The following GLIPR1L1 variants were observed in gnomAD, a reference collection of about 807,000 sequenced individuals.
GLIPR1L1 encodes GLIPR1 like 1.
In GLIPR1L1, 26 loss-of-function variants were observed where a neutral mutation model predicts 29.9. The ratio of observed to expected loss-of-function variants is 0.87; its 90% confidence interval spans 0.64 to 1.21. The LOEUF (loss-of-function observed/expected upper bound fraction) is 1.21. Ranked by LOEUF, GLIPR1L1 falls within the 50% of genes most tolerant of loss-of-function variation. The pLI is 0.00. For synonymous variants in GLIPR1L1, 77 were observed against 97.5 expected (o/e 0.79, Z 1.24); for missense variants, 305 against 290.3 (o/e 1.05, Z -0.37).
chr12:75,345,189 T>C lies in GLIPR1L1; in HGVS notation c.420+1251T>C, dbSNP rs113793478. Among the ~76,000 whole-genome samples, 426 of 152,060 alleles carry C rather than the reference T, an allele frequency of 2.8e-3. 2 individuals carry two copies. The highest frequency in any genetic ancestry group is 9.8e-3 in the African/African-American group (406 of 41,456). ...AATCAGACTCTCATAACTATGAGAG[T>C]GTATCAAACTTCTCCTGAGCCATAA... On this transcript the variant is annotated intron_variant, in intron 2 of 5. Coordinates refer to ENST00000378695, the MANE Select transcript of GLIPR1L1 (RefSeq NM_001304964.2).
At chr12:75,353,868 T>C (rs1253851045) in intron 3 of GLIPR1L1, among the ~76,000 whole-genome samples, 1 of 152,180 alleles carries the variant, frequency 6.6e-6, no homozygotes, top group Non-Finnish European at 1.5e-5. Flanking sequence ...ATTCATTATA[T>C]CATCAGAACT....
chr12:75,363,241 A>G (rs2043736046), intron 4 of GLIPR1L1, 51 bp downstream of exon 4: 5 of 849,464 alleles, frequency 5.9e-6, no homozygotes, highest in Non-Finnish European at 6.6e-6. Flanking sequence ...AAGTTTCCAT[A>G]TATTTATTAA....
At position 75,346,482 on chromosome 12, in the gene GLIPR1L1, C is replaced by T. The variant is rs192195474; in HGVS notation, c.421-1140C>T. ...CTCAACTCACTGCAACCTCCACTTC[C>T]TGAGTTCAAGCAATTCTCCTGCCTC... is the stretch of plus-strand genomic sequence containing the variant. On this transcript the variant is annotated intron_variant, in intron 2 of 5. Transcript: ENST00000378695. Among the ~76,000 whole-genome samples, 263 of 152,226 alleles carry T rather than the reference C, an allele frequency of 1.7e-3. 1 individual carries two copies. Among genetic ancestry groups the T allele is most frequent in the African/African-American group, 5.9e-3 (247 of 41,526 alleles).
intron 3 of GLIPR1L1, among the ~76,000 whole-genome samples, chr12:75,361,598 C>T (rs757636139): frequency 5.3e-5 from 8 of 152,148 alleles, no homozygotes; most frequent in African/African-American, 1.7e-4. Context: ...CATGGTTCCA[C>T]GTGACTGGGG....
rs189767184 is a variant in GLIPR1L1, at chr12:75,335,532, G to A, written c.174+630G>A. On this transcript the variant is annotated intron_variant, in intron 1 of 5. Transcript: ENST00000378695. ...TAAATGCATCACTATGAGCATAAAC[G>A]TTGATAGTATTAGTCTATTTTATGT... Among the ~76,000 whole-genome samples the A allele has an allele frequency of 6.4e-4, 98 of 152,228 alleles. 1 individual carries two copies. The East Asian group carries it at 0.012, about 18-fold the overall frequency.
At chr12:75,339,536 T>C (rs1276496568) in intron 1 of GLIPR1L1, among the ~76,000 whole-genome samples, 1 of 152,196 alleles carries the variant, frequency 6.6e-6, no homozygotes, top group African/African-American at 2.4e-5. Flanking sequence ...TACCATTCTG[T>C]AGGTTGTCTG....
At chr12:75,345,180 CTATGAGAGTG>C (rs1162720818) in intron 2 of GLIPR1L1, among the ~76,000 whole-genome samples, 1 of 152,048 alleles carries the variant, frequency 6.6e-6, no homozygotes, top group Non-Finnish European at 1.5e-5. Flanking sequence ...ACTCTCATAA[CTATGAGAGTG>C]TATCAAACTT....
At chr12:75,368,899 T>C (rs1287787550) in intron 4 of GLIPR1L1, among the ~76,000 whole-genome samples, 1 of 151,948 alleles carries the variant, frequency 6.6e-6, no homozygotes, top group Admixed American at 6.6e-5. Flanking sequence ...TGGAAGACTT[T>C]AGCAAATTTT....
rs147905207 is a variant in GLIPR1L1, at chr12:75,340,035, A to G, written c.175-3658A>G. On this transcript the variant is annotated intron_variant, in intron 1 of 5. Transcript: ENST00000378695. ...TCCATTCCTGAGTTACTTCAATTAG[A>G]ATAATGGTCTCCAACTCCATCCAGG... is the stretch of plus-strand genomic sequence containing the variant. 5.3e-3 allele frequency among the ~76,000 whole-genome samples: 803 copies of G among 152,130 alleles called. 6 individuals carry two copies. Among genetic ancestry groups the G allele is most frequent in the African/African-American group, 0.019 (771 of 41,492 alleles).
chr12:75,369,465 T>C, intron 4 of GLIPR1L1: 1 of 940,366 alleles, frequency 1.1e-6, no homozygotes, highest in South Asian at 4.9e-5. Flanking sequence ...AATTAATTAT[T>C]TTTTTAAGTA....
intron 3 of GLIPR1L1, chr12:75,359,881 G>A (rs2043451618): frequency 1.3e-5 from 2 of 151,982 alleles, no homozygotes; most frequent in African/African-American, 2.4e-5. Flanking sequence ...CCCAAGACTG[G>A]GTCATTTATA....
intron 3 of GLIPR1L1, among the ~76,000 whole-genome samples, chr12:75,351,801 C>T (rs1200551707): frequency 6.6e-6 from 1 of 152,208 alleles, no homozygotes; most frequent in South Asian, 2.1e-4. Flanking sequence ...CCCTCCTTGG[C>T]CTCCCAAAGT....
At chr12:75,355,993 G>A (rs1023221782) in intron 3 of GLIPR1L1, among the ~76,000 whole-genome samples, 1 of 152,162 alleles carries the variant, frequency 6.6e-6, no homozygotes, top group Non-Finnish European at 1.5e-5. Context: ...AGGGTGGGGA[G>A]AGGGAGAGCA....
intron 1 of GLIPR1L1, among the ~76,000 whole-genome samples, chr12:75,335,347 A>G (rs922943638): frequency 1.3e-5 from 2 of 152,188 alleles, no homozygotes; most frequent in Non-Finnish European, 2.9e-5. Context: ...ACAACACTTC[A>G]TGTGTAGTAT....
chr12:75,348,269 C>A lies in GLIPR1L1; in HGVS notation c.521+547C>A, dbSNP rs375460929. 2.4e-4 allele frequency among the ~76,000 whole-genome samples: 36 copies of A among 152,180 alleles called. No individual in the cohort carries two copies. The East Asian group carries it at 6.2e-3, about 26-fold the overall frequency. On this transcript the variant is annotated intron_variant, in intron 3 of 5. Transcript: ENST00000378695. ...ACTATAAAAACAGTTAATAACCCAG[C>A]TCTTCAACAAACATCAATTTAAAAA...
chr12:75,343,571 A>G (rs2042256738), intron 1 of GLIPR1L1, 122 bp from the exon 2 acceptor site: 2 of 767,998 alleles, frequency 2.6e-6, no homozygotes, highest in Non-Finnish European at 4.1e-6. Flanking sequence ...AATAAATACC[A>G]AAGAAAAACT....
At chr12:75,363,627 T>C (rs922085026) in intron 4 of GLIPR1L1, among the ~76,000 whole-genome samples, 1 of 152,142 alleles carries the variant, frequency 6.6e-6, no homozygotes, top group African/African-American at 2.4e-5. Context: ...AAAATAAATA[T>C]GCTTTTTAAG....
At chr12:75,369,123 G>C (rs554471651) in intron 4 of GLIPR1L1, among the ~76,000 whole-genome samples, 1 of 152,032 alleles carries the variant, frequency 6.6e-6, no homozygotes, top group South Asian at 2.1e-4. Flanking sequence ...CTTGGAGTCA[G>C]ATGGTTTAAC....
In GLIPR1L1 at chr12:75,334,714, C is replaced by G; in HGVS notation, c.-15C>G. 1 of 1,608,170 alleles carries G rather than the reference C, an allele frequency of 6.2e-7. No homozygotes were observed. The highest frequency in any genetic ancestry group is 1.1e-5 in the South Asian group (1 of 90,102). Reference sequence around the variant, plus strand: ...CGCGCAGTCAGGGCATCCTCCGCATCCTCCACATCCTTCCATGGCTCTGAA... The same window carrying G: ...CGCGCAGTCAGGGCATCCTCCGCATGCTCCACATCCTTCCATGGCTCTGAA... On this transcript the variant is annotated 5_prime_UTR_variant, in exon 1 of 6. It adds an upstream start codon to the 5' untranslated region. Coordinates refer to ENST00000378695, the MANE Select transcript of GLIPR1L1 (RefSeq NM_001304964.2).
Sources: gnomAD v4.1 joint callset for allele counts (sites outside exome capture counted in the v4.1 genomes callset) on GRCh38, gnomAD v4.1.1 for gene constraint, MANE v1.5 for transcripts, NCBI Gene and HGNC (gene_info 2026-07-23, HGNC 2026-07-21) for gene names.